SEMA3C: variants seen among roughly 807,000 people sequenced by gnomAD.
SEMA3C encodes semaphorin-3C.
In SEMA3C, 47 loss-of-function variants were observed where a neutral mutation model predicts 89.4. The observed-to-expected ratio is 0.53, with a 90% CI of 0.42 to 0.67. The LOEUF is 0.67. Ranked by LOEUF, SEMA3C falls within the 30% of genes least tolerant of loss-of-function variation. The pLI is 0.00. For synonymous variants in SEMA3C, 310 were observed against 320.2 expected (o/e 0.97, Z 0.34); for missense variants, 839 against 929.1 (o/e 0.90, Z 1.26).
intron 7 of SEMA3C, among the ~76,000 whole-genome samples, 196 bp downstream of exon 7, chr7:80,805,443 A>C (rs1227766493): frequency 1.3e-5 from 2 of 152,114 alleles, no homozygotes; most frequent in African/African-American, 4.8e-5. Flanking sequence ...AGAAATAAAG[A>C]ATCGAAATAT....
intron 2 of SEMA3C, among the ~76,000 whole-genome samples, chr7:80,903,732 T>G (rs574813286): frequency 2.0e-5 from 3 of 152,334 alleles, no homozygotes; most frequent in Non-Finnish European, 1.5e-5. Flanking sequence ...AACATCATTA[T>G]GCAGTACATT....
chr7:80,842,640 C>G (rs1331342854), intron 2 of SEMA3C, among the ~76,000 whole-genome samples: 4 of 152,116 alleles, frequency 2.6e-5, no homozygotes, highest in Non-Finnish European at 4.4e-5. Flanking sequence ...GGAAGCTTCA[C>G]TTCACTGACT....
intron 12 of SEMA3C, among the ~76,000 whole-genome samples, chr7:80,788,400 T>C (rs1230174635): frequency 1.3e-5 from 2 of 152,164 alleles, no homozygotes; most frequent in African/African-American, 4.8e-5. Context: ...AAGACGTGAG[T>C]AGTGGTTCCT....
chr7:80,899,336 C>A (rs999487989), intron 2 of SEMA3C, among the ~76,000 whole-genome samples: 14 of 152,068 alleles, frequency 9.2e-5, no homozygotes, highest in African/African-American at 2.9e-4. Flanking sequence ...CCACTGTGCT[C>A]GGCCTCAACT....
intron 4 of SEMA3C, among the ~76,000 whole-genome samples, chr7:80,824,106 A>G (rs1371967803): frequency 6.6e-6 from 1 of 152,212 alleles, no homozygotes; most frequent in Non-Finnish European, 1.5e-5. Flanking sequence ...CGTCAATTAA[A>G]ATTTGATACA....
intron 4 of SEMA3C, among the ~76,000 whole-genome samples, chr7:80,822,559 C>CAGAT (rs1789779417): frequency 6.6e-6 from 1 of 152,018 alleles, no homozygotes; most frequent in Non-Finnish European, 1.5e-5. Flanking sequence ...CCATAGTCTT[C>CAGAT]AGATAGGCAA....
intron 2 of SEMA3C, among the ~76,000 whole-genome samples, chr7:80,902,292 C>T (rs1479897886): frequency 6.6e-6 from 1 of 152,150 alleles, no homozygotes; most frequent in Non-Finnish European, 1.5e-5. Flanking sequence ...GATGACATAT[C>T]CTTTCTAGCC....
intron 2 of SEMA3C, among the ~76,000 whole-genome samples, chr7:80,888,747 A>C (rs1012816390): frequency 6.6e-6 from 1 of 152,196 alleles, no homozygotes; most frequent in Non-Finnish European, 1.5e-5. Flanking sequence ...TAGACATTTA[A>C]AATATTATAA....
At chr7:80,910,474 A>G (rs1202459249) in intron 2 of SEMA3C, among the ~76,000 whole-genome samples, 1 of 152,170 alleles carries the variant, frequency 6.6e-6, no homozygotes, top group Non-Finnish European at 1.5e-5. Flanking sequence ...TCTACCTTCC[A>G]TGTGCCCTTC....
At chr7:80,887,770 A>G (rs1172057540) in intron 2 of SEMA3C, among the ~76,000 whole-genome samples, 1 of 152,174 alleles carries the variant, frequency 6.6e-6, no homozygotes, top group Non-Finnish European at 1.5e-5. Context: ...ATGGGAAAAA[A>G]TCTTAAAAGA....
chr7:80,921,487 T>A (rs533518433), upstream of SEMA3C, among the ~76,000 whole-genome samples: 1 of 152,328 alleles, frequency 6.6e-6, no homozygotes, highest in Admixed American at 6.5e-5. Flanking sequence ...TTAAAACACC[T>A]TGACAAAACA....
At chr7:80,875,455 G>A (rs1171282435) in intron 2 of SEMA3C, among the ~76,000 whole-genome samples, 2 of 152,154 alleles carry the variant, frequency 1.3e-5, no homozygotes, top group Non-Finnish European at 2.9e-5. Flanking sequence ...ACCAATTAAT[G>A]TGGAGTAGTC....
rs75125059 is a variant in SEMA3C at position 80,905,609 on chromosome 7, C to T, written c.103+11070G>A. Reference sequence around the variant, plus strand: ...AATAAGCTCATCCCGGGCATTCCAGCTTAATTCCCCTCTCCATTCAGTTTG... The same window carrying T: ...AATAAGCTCATCCCGGGCATTCCAGTTTAATTCCCCTCTCCATTCAGTTTG... On this transcript the variant is annotated intron_variant, in intron 2 of 17. Transcript: ENST00000265361. Among the ~76,000 whole-genome samples, 1,022 of 152,228 alleles carry T rather than the reference C, an allele frequency of 6.7e-3. 53 individuals carry two copies. In the East Asian group the frequency reaches 0.13, roughly 20 times the overall value.
intron 2 of SEMA3C, among the ~76,000 whole-genome samples, chr7:80,885,294 T>C (rs1339297584): frequency 6.6e-6 from 1 of 152,088 alleles, no homozygotes; most frequent in Admixed American, 6.5e-5. Context: ...CCTAGGTAAA[T>C]TGTTTAAGGA....
chr7:80,750,467 TATATATACAC>T (rs1173071580), intron 16 of SEMA3C, among the ~76,000 whole-genome samples: 197 of 61,754 alleles, frequency 3.2e-3, no homozygotes, highest in South Asian at 0.011. Context: ...TATATATATA[TATATATACAC>T]ACACACACAC....
intron 14 of SEMA3C, among the ~76,000 whole-genome samples, chr7:80,760,766 CTTGT>C (rs1207202401): frequency 6.6e-6 from 1 of 152,098 alleles, no homozygotes; most frequent in African/African-American, 2.4e-5. Flanking sequence ...TATAAATTAA[CTTGT>C]TTGTGAGAAG....
chr7:80,817,207 G>T (rs1225896944), intron 5 of SEMA3C, among the ~76,000 whole-genome samples: 1 of 151,978 alleles, frequency 6.6e-6, no homozygotes, highest in Admixed American at 6.6e-5. Flanking sequence ...ATTTTTAAAT[G>T]ACTTTTTATT....
chr7:80,805,102 C>G (rs941821492), intron 7 of SEMA3C, among the ~76,000 whole-genome samples: 1 of 151,972 alleles, frequency 6.6e-6, no homozygotes, highest in Non-Finnish European at 1.5e-5. Flanking sequence ...TATGGATAAT[C>G]ATAGTTATCA....
intron 16 of SEMA3C, among the ~76,000 whole-genome samples, chr7:80,750,013 G>A (rs1787888504): frequency 1.3e-5 from 2 of 152,060 alleles, no homozygotes; most frequent in Admixed American, 6.6e-5. Context: ...TAGATGTATG[G>A]AACAAGTAAG....
Sources: allele counts gnomAD v4.1 joint callset (sites outside exome capture counted in the v4.1 genomes callset), GRCh38; gene constraint gnomAD v4.1.1; transcripts MANE v1.5; gene names NCBI Gene and HGNC (gene_info 2026-07-23, HGNC 2026-07-21).